The following PDZD8 variants were observed in gnomAD, a reference collection of about 807,000 sequenced individuals.
PDZD8 encodes the protein PDZ domain containing 8.
PDZD8 carries 14 observed loss-of-function variants against 85.8 expected under a neutral mutation model. The ratio of observed to expected loss-of-function variants is 0.16; its 90% CI spans 0.11 to 0.26. The LOEUF (loss-of-function observed/expected upper bound fraction) is 0.26. Ranked by LOEUF, PDZD8 falls within the 10% of genes least tolerant of loss-of-function variation. The pLI, the probability that PDZD8 is intolerant of heterozygous loss-of-function variation, is 1.00. For missense variants in PDZD8, 1,197 were observed against 1,424.3 expected (o/e 0.84, Z 2.57); for synonymous variants, 592 against 568.6 (o/e 1.04, Z -0.59).
chr10:117,373,773 C>CT (rs1304206910), intron 1 of PDZD8, among the ~76,000 whole-genome samples: 1 of 143,722 alleles, frequency 7.0e-6, no homozygotes, highest in African/African-American at 2.7e-5. Flanking sequence ...CAGCAAGACT[C>CT]TGTCTCAAAA....
intron 2 of PDZD8, among the ~76,000 whole-genome samples, chr10:117,340,278 G>T (rs1163377103): frequency 6.9e-6 from 1 of 144,070 alleles, no homozygotes; most frequent in Non-Finnish European, 1.5e-5. Context: ...ACTTTACTGA[G>T]GTTTCTGAAT....
rs72825528 is a variant in PDZD8 at position 117,350,578 on chromosome 10, C to T, written c.873-9476G>A. On this transcript the variant is annotated intron_variant, in intron 1 of 4. Transcript: ENST00000334464. The stretch of plus-strand genomic sequence containing the variant: ...CACGCTTGGCCCCAGAATCTGTGCT[C>T]TTCATCAATGCCTCTTAAAAGTTGT... Among the ~76,000 whole-genome samples the T allele has an allele frequency of 4.9e-3, 742 of 150,554 alleles. 7 individuals carry two copies. The highest frequency in any genetic ancestry group is 0.014 in the Middle Eastern group (4 of 292).
chr10:117,284,722 C>T lies in PDZD8; in HGVS notation c.2011G>A (p.Asp671Asn), dbSNP rs1318446453. 2 of 1,614,156 alleles carry T rather than the reference C, an allele frequency of 1.2e-6. No individual in the cohort carries two copies. Among genetic ancestry groups the T allele is most frequent in the Non-Finnish European group, 1.7e-6 (2 of 1,180,024 alleles). Reference sequence around the variant, plus strand: ...CATGTTTGACGGTCGTCCGAACTGTCCTTAGTAGGGCAGGAAGTTTCTGAA... The same window carrying T: ...CATGTTTGACGGTCGTCCGAACTGTTCTTAGTAGGGCAGGAAGTTTCTGAA... ...VTSETSCPTK[D>N]SSDDRQTWES... The change falls in exon 5 of 5, where the codon GAC (aspartate) becomes AAC (asparagine). Residue 671 changes from aspartate (D) to asparagine (N), a missense_variant. Transcript: ENST00000334464.
chr10:117,346,248 A>C (rs1408595830), intron 1 of PDZD8, among the ~76,000 whole-genome samples: 2 of 151,554 alleles, frequency 1.3e-5, no homozygotes, highest in African/African-American at 4.8e-5. Context: ...AAAAAAAAAA[A>C]AAACTATAGG....
chr10:117,292,351 T>C (rs1197148183), intron 3 of PDZD8, among the ~76,000 whole-genome samples: 1 of 152,210 alleles, frequency 6.6e-6, no homozygotes, highest in East Asian at 1.9e-4. Context: ...CACCTTACAA[T>C]GTAAAGTGCT....
chr10:117,345,183 A>C (rs759304248), intron 1 of PDZD8, among the ~76,000 whole-genome samples: 60 of 152,222 alleles, frequency 3.9e-4, no homozygotes, highest in Admixed American at 2.6e-3. Flanking sequence ...TTCATTTACA[A>C]TAGTCTGTGA....
chr10:117,338,439 T>TA (rs1334404625), intron 2 of PDZD8, among the ~76,000 whole-genome samples: 7 of 152,292 alleles, frequency 4.6e-5, no homozygotes, highest in African/African-American at 1.4e-4. Context: ...CTTCAGATAT[T>TA]AAAAAAACTA....
intron 1 of PDZD8, among the ~76,000 whole-genome samples, chr10:117,365,590 A>G (rs760163214): frequency 6.6e-6 from 1 of 152,182 alleles, no homozygotes; most frequent in Non-Finnish European, 1.5e-5. Context: ...TATCTGATAT[A>G]TATCTAGTAA....
intron 3 of PDZD8, among the ~76,000 whole-genome samples, chr10:117,311,880 T>C (rs1589558226): frequency 6.6e-6 from 1 of 151,348 alleles, no homozygotes; most frequent in Non-Finnish European, 1.5e-5. Context: ...GGCTACAGTA[T>C]CAAGCAGAAG....
chr10:117,290,089 A>G (rs1844730275), intron 4 of PDZD8, 97 bp downstream of exon 4: 6 of 1,061,252 alleles, frequency 5.7e-6, no homozygotes, highest in Non-Finnish European at 7.9e-6. Flanking sequence ...ACATATGCAT[A>G]TTATAGAAAT....
At chr10:117,318,720 G>A (rs1158677172) in intron 3 of PDZD8, 152 bp downstream of exon 3, 6 of 551,506 alleles carry the variant, frequency 1.1e-5, no homozygotes, top group Non-Finnish European at 1.6e-5. Flanking sequence ...CTTTATCACT[G>A]TAGTTGTATT....
At chr10:117,308,027 T>A (rs1209467618) in intron 3 of PDZD8, among the ~76,000 whole-genome samples, 2 of 152,164 alleles carry the variant, frequency 1.3e-5, no homozygotes, top group African/African-American at 4.8e-5. Context: ...TAAAACTTTC[T>A]GTTATTAATT....
At chr10:117,287,589 C>T (rs1844687304) in intron 4 of PDZD8, among the ~76,000 whole-genome samples, 1 of 152,154 alleles carries the variant, frequency 6.6e-6, no homozygotes, top group Admixed American at 6.5e-5. Flanking sequence ...AATTTGAATC[C>T]TAGGGATATT....
At chr10:117,322,931 G>C (rs1036318460) in intron 2 of PDZD8, among the ~76,000 whole-genome samples, 1 of 152,194 alleles carries the variant, frequency 6.6e-6, no homozygotes, top group African/African-American at 2.4e-5. Flanking sequence ...TCCCTCTTAG[G>C]TTTTTATCTT....
At chr10:117,350,245 CT>C (rs1346402837) in intron 1 of PDZD8, among the ~76,000 whole-genome samples, 1 of 133,904 alleles carries the variant, frequency 7.5e-6, no homozygotes, top group Non-Finnish European at 1.7e-5. Context: ...GCTCCAGAAT[CT>C]GTTTTTTTTG....
intron 1 of PDZD8, among the ~76,000 whole-genome samples, chr10:117,364,181 G>GGT (rs71938439): frequency 0.22 from 33,179 of 148,884 alleles, 4,426 homozygotes; most frequent in Non-Finnish European, 0.32. Context: ...ATAATTTATG[G>GGT]GTGTGTGTGT....
Position 117,284,687 on chromosome 10 carries a change from T to C in PDZD8, c.2046A>G (p.Ser682=). The change falls in exon 5 of 5, where the codon TCA becomes TCG. Residue 682 remains serine, a synonymous_variant. Transcript: ENST00000334464. ...SSDDRQTWES[S]EILYRNKLGK... ...CTAGCTTATTACGATAAAGAATTTC[T>C]GATGATTCCCATGTTTGACGGTCGT... 1 of 1,614,226 alleles carries C rather than the reference T, an allele frequency of 6.2e-7. No homozygotes were observed. The highest frequency in any genetic ancestry group is 8.5e-7 in the Non-Finnish European group (1 of 1,180,024).
At position 117,370,113 on chromosome 10, in the gene PDZD8, CTAT is replaced by C. The variant is rs1204612860; in HGVS notation, c.872+4240_872+4242del. ...GAGGTTCATTTAAAAAAATATATTG[CTAT>C]TATAATATACTATTTTAATTAAAAA... is the stretch of plus-strand genomic sequence containing the variant. On this transcript the variant is annotated intron_variant, in intron 1 of 4. Coordinates refer to ENST00000334464, the MANE Select transcript of PDZD8 (RefSeq NM_173791.5). Among the ~76,000 whole-genome samples the C allele has an allele frequency of 2.0e-5, 3 of 152,170 alleles. No homozygotes were observed. In the East Asian group the frequency reaches 5.8e-4, roughly 29 times the overall value.
chr10:117,284,895 T>G lies in PDZD8; in HGVS notation c.1838A>C (p.Asp613Ala), dbSNP rs751097902. ...SADAPNQAEP[D>A]VLVEKPEKVV... The stretch of plus-strand genomic sequence containing the variant: ...CTTCTCTGGCTTTTCAACGAGAACA[T>G]CTGGTTCTGCCTGATTTGGAGCATC... The change falls in exon 5 of 5, where the codon GAT becomes GCT. Residue 613 changes from aspartate (D) to alanine (A), a missense_variant. Transcript: ENST00000334464. 5.6e-6 allele frequency: 9 copies of G among 1,614,026 alleles called. No individual in the cohort carries two copies. Among genetic ancestry groups the G allele is most frequent in the South Asian group, 5.5e-5 (5 of 91,078 alleles).
Sources: gnomAD v4.1 joint callset for allele counts (sites outside exome capture counted in the v4.1 genomes callset) on GRCh38, gnomAD v4.1.1 for gene constraint, MANE v1.5 for transcripts, NCBI Gene and HGNC (gene_info 2026-07-23, HGNC 2026-07-21) for gene names.